The following PDE3B variants were observed in gnomAD, a reference collection of about 807,000 sequenced individuals.
PDE3B encodes cGMP-inhibited 3',5'-cyclic phosphodiesterase 3B.
PDE3B carries 66 observed loss-of-function variants against 116.8 expected under a neutral mutation model. The ratio of observed to expected loss-of-function variants is 0.56; its 90% confidence interval spans 0.46 to 0.69. PDE3B has a LOEUF of 0.69. Ranked by LOEUF, PDE3B falls within the 30% of genes least tolerant of loss-of-function variation. The pLI, the probability that PDE3B is intolerant of heterozygous loss-of-function variation, is 0.00. For synonymous variants in PDE3B, 595 were observed against 533.6 expected (o/e 1.12, Z -1.59); for missense variants, 1,384 against 1,368.1 (o/e 1.01, Z -0.18).
chr11:14,815,949 A>G (rs1232202631), intron 5 of PDE3B, among the ~76,000 whole-genome samples: 2 of 150,286 alleles, frequency 1.3e-5, no homozygotes, highest in Non-Finnish European at 1.5e-5. Context: ...ACACACACAC[A>G]CACACACACA....
At chr11:14,681,203 G>A (rs1158641203) in intron 1 of PDE3B, among the ~76,000 whole-genome samples, 1 of 152,132 alleles carries the variant, frequency 6.6e-6, no homozygotes, top group Non-Finnish European at 1.5e-5. Flanking sequence ...TCAACTTATA[G>A]TGCATTTATC....
At chr11:14,815,330 G>A (rs767354256) in intron 5 of PDE3B, among the ~76,000 whole-genome samples, 22 of 152,226 alleles carry the variant, frequency 1.4e-4, no homozygotes, top group African/African-American at 4.3e-4. Flanking sequence ...TCTGCTTGAG[G>A]TGTCATAAGT....
intron 4 of PDE3B, among the ~76,000 whole-genome samples, chr11:14,790,838 G>T (rs1858360133): frequency 1.3e-5 from 2 of 152,044 alleles, no homozygotes; most frequent in South Asian, 2.1e-4. Flanking sequence ...TGTGTACTTT[G>T]CACATAGGTG....
At chr11:14,848,441 C>T (rs1373629330) in intron 12 of PDE3B, among the ~76,000 whole-genome samples, 1 of 151,018 alleles carries the variant, frequency 6.6e-6, no homozygotes, top group Non-Finnish European at 1.5e-5. Context: ...GACAGGGATG[C>T]CCTCTCTCAC....
rs558371733 is a variant in PDE3B at position 14,760,051 on chromosome 11, A to G, written c.979-11886A>G. On this transcript the variant is annotated intron_variant, in intron 1 of 15. Transcript: ENST00000282096. The stretch of plus-strand genomic sequence containing the variant: ...CTAAAAATAAATTGTGAGTATTGCA[A>G]TATAATATTGTTGTTAAAGTTATAG... Among the ~76,000 whole-genome samples, 39 of 152,316 alleles carry G rather than the reference A, an allele frequency of 2.6e-4. No individual in the cohort carries two copies. The South Asian group carries it at 8.1e-3, about 32-fold the overall frequency.
At chr11:14,674,815 GA>G (rs1854483273) in intron 1 of PDE3B, among the ~76,000 whole-genome samples, 1 of 152,094 alleles carries the variant, frequency 6.6e-6, no homozygotes, top group Non-Finnish European at 1.5e-5. Flanking sequence ...ACTATTCTAA[GA>G]AAAGTTTTTA....
At chr11:14,831,560 CCTAAGTGTT>C in intron 8 of PDE3B, 71 bp from the exon 9 acceptor site, 2 of 832,158 alleles carry the variant, frequency 2.4e-6, no homozygotes, top group Admixed American at 6.2e-5. Flanking sequence ...AATGTTTAAT[CCTAAGTGTT>C]CTCATTGTAA....
At chr11:14,661,968 C>T (rs572063865) in intron 1 of PDE3B, among the ~76,000 whole-genome samples, 18 of 152,262 alleles carry the variant, frequency 1.2e-4, no homozygotes, top group Non-Finnish European at 5.9e-5. Context: ...TCTCCCAGCA[C>T]GCAGCTGGAG....
chr11:14,697,187 C>G (rs1855231607), intron 1 of PDE3B, among the ~76,000 whole-genome samples: 1 of 152,146 alleles, frequency 6.6e-6, no homozygotes. Context: ...ATCCTCCCGC[C>G]TTGACCTTCC....
chr11:14,714,056 G>C (rs564831344), intron 1 of PDE3B, among the ~76,000 whole-genome samples: 2 of 152,044 alleles, frequency 1.3e-5, no homozygotes, highest in Non-Finnish European at 1.5e-5. Flanking sequence ...GGCAGTGCGC[G>C]TGTGACTTTT....
At chr11:14,705,960 T>A (rs905509006) in intron 1 of PDE3B, among the ~76,000 whole-genome samples, 1 of 151,914 alleles carries the variant, frequency 6.6e-6, no homozygotes, top group Non-Finnish European at 1.5e-5. Context: ...TCACTTCAAA[T>A]CTTTTATGTG....
intron 1 of PDE3B, among the ~76,000 whole-genome samples, chr11:14,758,195 T>C (rs1048774579): frequency 1.4e-4 from 22 of 152,166 alleles, no homozygotes; most frequent in African/African-American, 5.3e-4. Flanking sequence ...CATGCTGTTT[T>C]GGTTAGTGTA....
rs1280276113 is a variant in PDE3B at position 14,870,398 on chromosome 11, T to C, written c.*738T>C. On this transcript the variant is annotated 3_prime_UTR_variant, in exon 16 of 16. Coordinates refer to ENST00000282096, the MANE Select transcript of PDE3B (RefSeq NM_000922.4). This position sits in a 1 kb window ranked among gnomAD's most constrained non-coding sequence, Gnocchi z 4.1. ...TTATCTTATGTTCCATGGCTGAATT[T>C]TAAAGCTGTTTAGGTTTAACAATGA... 1.3e-5 allele frequency: 2 copies of C among 152,774 alleles called. No homozygotes were observed. The highest frequency in any genetic ancestry group is 3.9e-4 in the East Asian group (2 of 5,194). 9.5% of individuals were successfully genotyped at this position (152,774 alleles called of 1,614,324 possible). A position where few individuals can be genotyped will look rare whatever the true frequency, so the allele number is the denominator to read the frequency against.
intron 14 of PDE3B, among the ~76,000 whole-genome samples, chr11:14,863,999 GCA>G (rs1455266414): frequency 1.3e-5 from 2 of 152,098 alleles, no homozygotes; most frequent in Non-Finnish European, 2.9e-5. Flanking sequence ...CAATTAAAAG[GCA>G]CAGACTGGCA....
chr11:14,777,726 A>C (rs1857830526), intron 2 of PDE3B, among the ~76,000 whole-genome samples: 1 of 152,126 alleles, frequency 6.6e-6, no homozygotes, highest in Non-Finnish European at 1.5e-5. Context: ...TCCCAGCATG[A>C]GTGATGCAGA....
At position 14,830,708 on chromosome 11, in the gene PDE3B, A is replaced by C. The variant is rs147001086; in HGVS notation, c.1818A>C (p.Glu606Asp). The C allele has an allele frequency of 9.5e-6, 14 of 1,467,274 alleles. No individual in the cohort carries two copies. Among genetic ancestry groups the C allele is most frequent in the African/African-American group, 1.5e-5 (1 of 68,310 alleles). 90.9% of individuals were successfully genotyped at this position (1,467,274 alleles called of 1,614,324 possible). ...TATATTTTTTGAAAGGTGAAGAAGA[A>C]AACATTTTCTCGAAAGAATCATTCA... ...DCCSGKSGEE[E>D]NIFSKESFKL... Residue 606 changes from glutamate to aspartate, a missense_variant, in exon 8 of 16, where the codon GAA becomes GAC. This residue lies in a region of PDE3B where 956 missense variants were observed against 806.8 expected (regional missense o/e 1.18). Coordinates refer to ENST00000282096, the MANE Select transcript of PDE3B (RefSeq NM_000922.4).
At chr11:14,844,469 T>G (rs1847545235) in intron 12 of PDE3B, among the ~76,000 whole-genome samples, 2 of 151,960 alleles carry the variant, frequency 1.3e-5, no homozygotes, top group Non-Finnish European at 1.5e-5. Context: ...CACTAGGGAG[T>G]GCCAGACAGT....
intron 1 of PDE3B, among the ~76,000 whole-genome samples, chr11:14,711,627 A>G (rs1590080149): frequency 6.6e-6 from 1 of 151,900 alleles, no homozygotes; most frequent in African/African-American, 2.4e-5. Flanking sequence ...AAGAGAACTC[A>G]CTCATTATTG....
chr11:14,723,371 T>G (rs1856180926), intron 1 of PDE3B, among the ~76,000 whole-genome samples: 1 of 152,110 alleles, frequency 6.6e-6, no homozygotes, highest in Non-Finnish European at 1.5e-5. Context: ...CTTACAACAT[T>G]TTGAAGTACA....
Sources: gnomAD v4.1 joint callset for allele counts (sites outside exome capture counted in the v4.1 genomes callset) on GRCh38, gnomAD v4.1.1 for gene constraint, gnomAD v4.1.1 regional missense constraint, Gnocchi (gnomAD v3.1) non-coding constraint, MANE v1.5 for transcripts, NCBI Gene and HGNC (gene_info 2026-07-23, HGNC 2026-07-21) for gene names.